NRDC: variants seen among roughly 807,000 people sequenced by gnomAD.
The protein encoded by NRDC is nardilysin.
A neutral mutation model predicts 147.1 loss-of-function variants in NRDC; 54 were observed. That is an observed-to-expected ratio of 0.37 (90% CI 0.29 to 0.46). The LOEUF (loss-of-function observed/expected upper bound fraction) is 0.46. NRDC is among the 20% of genes least tolerant of loss of function. The probability of loss-of-function intolerance (pLI) is 1.00; values close to 1 mark genes in which losing one functional copy is unlikely to be tolerated. For missense variants in NRDC, 1,082 were observed against 1,370.6 expected (o/e 0.79, Z 3.33); for synonymous variants, 440 against 482.1 (o/e 0.91, Z 1.14).
intron 5 of NRDC, among the ~76,000 whole-genome samples, chr1:51,827,264 A>G (rs1426667280): frequency 6.6e-6 from 1 of 152,180 alleles, no homozygotes; most frequent in African/African-American, 2.4e-5. Flanking sequence ...AGAACTAGAC[A>G]CTGCATCAAA....
chr1:51,793,617 A>G (rs905787530), intron 24 of NRDC, among the ~76,000 whole-genome samples: 3 of 152,252 alleles, frequency 2.0e-5, no homozygotes, highest in African/African-American at 7.2e-5. Flanking sequence ...TAATGTCAGA[A>G]TAAGGCTGAG....
intron 1 of NRDC, among the ~76,000 whole-genome samples, chr1:51,856,336 G>A (rs1310543043): frequency 6.6e-6 from 1 of 152,098 alleles, no homozygotes; most frequent in Non-Finnish European, 1.5e-5. Flanking sequence ...ACACTACCTG[G>A]AAATAGCATC....
At chr1:51,837,388 G>T in intron 2 of NRDC, 2 of 1,180,390 alleles carry the variant, frequency 1.7e-6, no homozygotes, top group Non-Finnish European at 2.2e-6. Flanking sequence ...ACCCCATTTT[G>T]AAGACTTAGG....
intron 1 of NRDC, among the ~76,000 whole-genome samples, chr1:51,844,496 A>G (rs1375678327): frequency 1.3e-5 from 2 of 151,810 alleles, no homozygotes; most frequent in African/African-American, 4.8e-5. Context: ...CTCAGAAGAA[A>G]CCGAATAGGG....
chr1:51,812,749 C>T (rs749540428), intron 14 of NRDC, among the ~76,000 whole-genome samples: 2 of 152,154 alleles, frequency 1.3e-5, no homozygotes, highest in Non-Finnish European at 2.9e-5. Flanking sequence ...CCTATCACTA[C>T]AGCACTATCG....
At chr1:51,811,696 C>A (rs1679723821) in intron 15 of NRDC, among the ~76,000 whole-genome samples, 1 of 152,130 alleles carries the variant, frequency 6.6e-6, no homozygotes, top group African/African-American at 2.4e-5. Context: ...CACAGGGAAA[C>A]CACATAATTC....
rs747830176 is a variant in NRDC, at chr1:51,794,815, A to G, written c.2636+8T>C. On this transcript the variant is annotated splice_region_variant and intron_variant, in intron 23 of 30. Transcript: ENST00000352171. ...ACATAACCCCAAAGAGAAAATTCAA[A>G]TACTTACTCAACAACATATTTCAGG... 6.2e-7 allele frequency: 1 copy of G among 1,613,990 alleles called. No homozygotes were observed. Among genetic ancestry groups the G allele is most frequent in the South Asian group, 1.1e-5 (1 of 91,044 alleles).
chr1:51,870,077 C>G (rs1421522965), intron 1 of NRDC, among the ~76,000 whole-genome samples: 1 of 152,206 alleles, frequency 6.6e-6, no homozygotes, highest in Non-Finnish European at 1.5e-5. Context: ...TAAGAAATTT[C>G]TGGCAAAATA....
At chr1:51,843,936 A>C (rs1681403569) in intron 1 of NRDC, among the ~76,000 whole-genome samples, 1 of 152,038 alleles carries the variant, frequency 6.6e-6, no homozygotes, top group Non-Finnish European at 1.5e-5. Flanking sequence ...TTTCCAGCTT[A>C]AATTTTTCAT....
intron 1 of NRDC, among the ~76,000 whole-genome samples, chr1:51,861,631 GC>G (rs1682549695): frequency 6.6e-6 from 1 of 152,106 alleles, no homozygotes; most frequent in African/African-American, 2.4e-5. Context: ...CAAGTGGTGA[GC>G]CACTGTGCCT....
intron 15 of NRDC, among the ~76,000 whole-genome samples, chr1:51,811,536 T>C (rs1016481209): frequency 2.0e-5 from 3 of 152,184 alleles, no homozygotes; most frequent in South Asian, 2.1e-4. Context: ...TGACCGACAA[T>C]GTATTGGCAT....
chr1:51,838,994 A>ATT (rs1557921739), intron 2 of NRDC, among the ~76,000 whole-genome samples: 1 of 152,138 alleles, frequency 6.6e-6, no homozygotes, highest in African/African-American at 2.4e-5. Context: ...AGTAAACAGG[A>ATT]AAAAGCTTCT....
intron 17 of NRDC, among the ~76,000 whole-genome samples, chr1:51,807,947 A>G (rs1679544200): frequency 6.6e-6 from 1 of 152,034 alleles, no homozygotes; most frequent in South Asian, 2.1e-4. Context: ...CTGGGATTAC[A>G]GGCATGCGCC....
intron 29 of NRDC, among the ~76,000 whole-genome samples, 188 bp downstream of exon 29, chr1:51,790,345 C>T (rs1367598923): frequency 1.3e-5 from 2 of 152,164 alleles, no homozygotes; most frequent in African/African-American, 4.8e-5. Context: ...GATTAGCACC[C>T]AGCTCACGTG....
Position 51,789,408 on chromosome 1 carries a change from A to G in NRDC, c.3284T>C (p.Leu1095Pro). Residue 1095 changes from leucine to proline, a missense_variant, in exon 31 of 31, where the codon CTG (leucine) becomes CCG (proline). Around this residue, in one of 3 missense-constraint regions of NRDC, gnomAD observed 187 missense variants for 193.6 expected, o/e 0.97. Coordinates refer to ENST00000352171, the MANE Select transcript of NRDC (RefSeq NM_001101662.2). ...ACTAGAAGGGGTACCATCCTCTTCC[A>G]GTTCATACTTCCCATATCCAACAAC... ...VHVVGYGKYE[L>P]EEDGTPSSED... 6.2e-7 allele frequency: 1 copy of G among 1,614,148 alleles called. No individual in the cohort carries two copies. Among genetic ancestry groups the G allele is most frequent in the South Asian group, 1.1e-5 (1 of 91,088 alleles).
chr1:51,865,108 T>C (rs917341636), intron 1 of NRDC, among the ~76,000 whole-genome samples: 3 of 151,978 alleles, frequency 2.0e-5, no homozygotes, highest in African/African-American at 7.2e-5. Context: ...AGAGAATACA[T>C]TTGCAACTCA....
chr1:51,804,777 TC>T (rs1679383757), intron 19 of NRDC, among the ~76,000 whole-genome samples: 1 of 152,028 alleles, frequency 6.6e-6, no homozygotes, highest in Non-Finnish European at 1.5e-5. Flanking sequence ...CAGATACATT[TC>T]CCAAGTATCT....
At chr1:51,836,843 T>A (rs1354667111) in intron 2 of NRDC, among the ~76,000 whole-genome samples, 1 of 152,198 alleles carries the variant, frequency 6.6e-6, no homozygotes, top group Non-Finnish European at 1.5e-5. Context: ...CAGCATATAT[T>A]ACTTATCAGT....
chr1:51,874,257 T>C (rs543254590), intron 1 of NRDC, among the ~76,000 whole-genome samples: 18 of 152,230 alleles, frequency 1.2e-4, no homozygotes, highest in Admixed American at 3.3e-4. Flanking sequence ...TGTACTTGTT[T>C]TAGTCAATCC....
Sources: allele counts gnomAD v4.1 joint callset (sites outside exome capture counted in the v4.1 genomes callset), GRCh38; gene constraint gnomAD v4.1.1; regional missense constraint gnomAD v4.1.1; transcripts MANE v1.5; gene names NCBI Gene and HGNC (gene_info 2026-07-23, HGNC 2026-07-21).